Variants in CDK5RAP1 observed in about 807,000 individuals in gnomAD.
CDK5RAP1 encodes CDK5RAP1 mitochondrial tRNA methylthiotransferase, also known as mitochondrial tRNA methylthiotransferase CDK5RAP1.
Under a neutral mutation model 64.5 loss-of-function variants are expected in CDK5RAP1, and 62 were observed. The ratio of observed to expected loss-of-function variants is 0.96; its 90% CI spans 0.78 to 1.19. CDK5RAP1 has a LOEUF of 1.19. CDK5RAP1 is among the 50% of genes most tolerant of loss of function. CDK5RAP1 has a pLI of 0.00. For synonymous variants in CDK5RAP1, 250 were observed against 261.9 expected, an observed-to-expected ratio of 0.95 and a Z score of 0.44; for missense variants, 657 against 735.0, an observed-to-expected ratio of 0.89 and a Z score of 1.23.
intron 5 of CDK5RAP1, among the ~76,000 whole-genome samples, chr20:33,388,494 A>G (rs1987749157): frequency 6.6e-6 from 1 of 150,728 alleles, no homozygotes; most frequent in Non-Finnish European, 1.5e-5. Flanking sequence ...AGTTAAATAA[A>G]TAATTTTTCA....
chr20:33,389,768 G>T (rs752187838), intron 5 of CDK5RAP1, among the ~76,000 whole-genome samples: 3 of 152,202 alleles, frequency 2.0e-5, no homozygotes, highest in Non-Finnish European at 4.4e-5. Flanking sequence ...ATAGAAAAGG[G>T]GGAAATGTGG....
At chr20:33,360,062 C>G (rs1037416034) in intron 13 of CDK5RAP1, 1 of 366,516 alleles carries the variant, frequency 2.7e-6, no homozygotes, top group African/African-American at 2.1e-5. Context: ...CTCGAAATCA[C>G]TCCACCTCCT....
At chr20:33,392,462 A>AT (rs1202756640) in intron 4 of CDK5RAP1, among the ~76,000 whole-genome samples, 22,668 of 118,970 alleles carry the variant, frequency 0.19, 2,334 homozygotes, top group East Asian at 0.4. Flanking sequence ...TTTGGGGGGG[A>AT]TTTTTTTTTT....
chr20:33,367,452 A>G (rs1984202637), intron 11 of CDK5RAP1, among the ~76,000 whole-genome samples: 1 of 152,242 alleles, frequency 6.6e-6, no homozygotes, highest in African/African-American at 2.4e-5. Context: ...ATAGTTCTAT[A>G]TGTACTAATG....
chr20:33,384,650 C>G (rs1987182599), intron 7 of CDK5RAP1, among the ~76,000 whole-genome samples: 1 of 152,076 alleles, frequency 6.6e-6, no homozygotes, highest in African/African-American at 2.4e-5. Context: ...GACTGTAATC[C>G]CAGCACTTTG....
intron 10 of CDK5RAP1, among the ~76,000 whole-genome samples, chr20:33,371,954 C>T (rs1568690274): frequency 6.6e-6 from 1 of 151,998 alleles, no homozygotes; most frequent in Non-Finnish European, 1.5e-5. Context: ...AATAAGTTGC[C>T]ATAAAGCTAG....
intron 12 of CDK5RAP1, among the ~76,000 whole-genome samples, chr20:33,365,175 C>A (rs979502299): frequency 4.6e-5 from 7 of 152,184 alleles, no homozygotes; most frequent in African/African-American, 1.7e-4. Context: ...GGATCACAGG[C>A]TTGAGCCACC....
intron 1 of CDK5RAP1, among the ~76,000 whole-genome samples, chr20:33,400,817 A>G (rs1989339734): frequency 6.6e-6 from 1 of 152,102 alleles, no homozygotes. Flanking sequence ...TCCCGTCTCA[A>G]GAAAAAAAAA....
intron 7 of CDK5RAP1, among the ~76,000 whole-genome samples, 173 bp from the exon 8 acceptor site, chr20:33,379,864 T>A (rs928666741): frequency 2.0e-5 from 3 of 152,188 alleles, no homozygotes; most frequent in African/African-American, 7.2e-5. Flanking sequence ...AATTTCAAGC[T>A]TAGACATCTT....
intron 8 of CDK5RAP1, among the ~76,000 whole-genome samples, chr20:33,374,567 ATT>A (rs796962548): frequency 4.9e-5 from 7 of 141,864 alleles, no homozygotes; most frequent in African/African-American, 5.1e-5. Context: ...GTCACTTTCT[ATT>A]TTTTTTTTTT....
intron 2 of CDK5RAP1, among the ~76,000 whole-genome samples, chr20:33,396,444 G>A (rs1988898930): frequency 6.6e-6 from 1 of 152,034 alleles, no homozygotes; most frequent in South Asian, 2.1e-4. Context: ...AGGACTACAG[G>A]TGCACACTAT....
At chr20:33,368,806 G>T (rs1984486241) in intron 11 of CDK5RAP1, among the ~76,000 whole-genome samples, 1 of 151,972 alleles carries the variant, frequency 6.6e-6, no homozygotes, top group Non-Finnish European at 1.5e-5. Context: ...GGAAGGTGGA[G>T]GTTGTGGTGA....
intron 7 of CDK5RAP1, among the ~76,000 whole-genome samples, chr20:33,384,055 G>A (rs1987110526): frequency 6.6e-6 from 1 of 152,088 alleles, no homozygotes; most frequent in East Asian, 1.9e-4. Flanking sequence ...TATAAAAGTT[G>A]CTTATTTAGA....
rs6088206 is a variant in CDK5RAP1, at chr20:33,394,021, C to T, written c.443+11G>A. On this transcript the variant is annotated intron_variant, in intron 4 of 13. Coordinates refer to ENST00000346416, the MANE Select transcript of CDK5RAP1 (RefSeq NM_016408.4). Reference sequence around the variant, plus strand: ...AATACATTCACTCCTAGGAAAAGAACAAATTCGCACCTGATAGAGCATGTG... The same window carrying T: ...AATACATTCACTCCTAGGAAAAGAATAAATTCGCACCTGATAGAGCATGTG... 1,141 of 1,579,560 alleles carry T rather than the reference C, an allele frequency of 7.2e-4. 11 individuals are homozygous for T. In the African/African-American group the frequency reaches 0.014, roughly 19 times the overall value.
intron 7 of CDK5RAP1, among the ~76,000 whole-genome samples, chr20:33,383,242 C>G (rs1986989294): frequency 3.3e-5 from 5 of 151,828 alleles, no homozygotes. Context: ...AGAAAATATC[C>G]TTATTTTTTA....
chr20:33,363,127 A>G (rs1266294690), intron 12 of CDK5RAP1, among the ~76,000 whole-genome samples: 1 of 152,238 alleles, frequency 6.6e-6, no homozygotes, highest in Non-Finnish European at 1.5e-5. Context: ...TATTCCTGCC[A>G]AAGAATGCAT....
intron 3 of CDK5RAP1, among the ~76,000 whole-genome samples, chr20:33,394,481 T>G (rs1988693517): frequency 7.3e-6 from 1 of 137,540 alleles, no homozygotes; most frequent in Non-Finnish European, 1.5e-5. Flanking sequence ...TTTTTTTCCT[T>G]TTTTTTTTTT....
chr20:33,386,140 T>G (rs1029059375), intron 6 of CDK5RAP1, among the ~76,000 whole-genome samples: 1 of 152,210 alleles, frequency 6.6e-6, no homozygotes, highest in African/African-American at 2.4e-5. Flanking sequence ...CTCGGCTCAC[T>G]GCAACCTCCA....
chr20:33,372,871 A>T (rs1239424301), intron 9 of CDK5RAP1, 174 bp from the exon 10 acceptor site: 3 of 466,976 alleles, frequency 6.4e-6, no homozygotes, highest in East Asian at 3.5e-5. Context: ...TGTATCTTCT[A>T]ATCTAATCTA....
Sources: allele counts gnomAD v4.1 joint callset (sites outside exome capture counted in the v4.1 genomes callset), GRCh38; gene constraint gnomAD v4.1.1; transcripts MANE v1.5; gene names NCBI Gene and HGNC (gene_info 2026-07-23, HGNC 2026-07-21).